DCLK2: variants seen among roughly 807,000 people sequenced by gnomAD.
DCLK2 encodes serine/threonine-protein kinase DCLK2.
DCLK2 carries 31 observed loss-of-function variants against 78.4 expected under a neutral mutation model. The observed-to-expected ratio is 0.40, with a 90% CI of 0.30 to 0.53. The LOEUF (loss-of-function observed/expected upper bound fraction) is 0.53. Among genes scored for constraint, DCLK2 ranks in the 20% least tolerant of loss-of-function variants. DCLK2 has a pLI of 0.61. For synonymous variants in DCLK2, 407 were observed against 374.9 expected (o/e 1.09, Z -0.99); for missense variants, 872 against 973.7 (o/e 0.90, Z 1.39).
intron 2 of DCLK2, among the ~76,000 whole-genome samples, chr4:150,113,544 G>C (rs76113116): frequency 6.6e-6 from 1 of 152,198 alleles, no homozygotes; most frequent in East Asian, 1.9e-4. Flanking sequence ...GCATAGAGAT[G>C]TTCATAGTAG....
intron 10 of DCLK2, among the ~76,000 whole-genome samples, 155 bp from the exon 11 acceptor site, chr4:150,239,587 C>T (rs988213101): frequency 2.0e-5 from 3 of 151,530 alleles, no homozygotes; most frequent in Non-Finnish European, 4.4e-5. Context: ...GGCAACAAAG[C>T]GAGACCGTGT....
chr4:150,100,181 G>A (rs569897056), intron 1 of DCLK2, among the ~76,000 whole-genome samples: 188 of 152,308 alleles, frequency 1.2e-3, no homozygotes, highest in African/African-American at 4.2e-3. Flanking sequence ...CCAAAGTGCT[G>A]AGATTACAGG....
chr4:150,166,905 T>C (rs1416866424), intron 2 of DCLK2, among the ~76,000 whole-genome samples: 2 of 152,204 alleles, frequency 1.3e-5, no homozygotes, highest in Non-Finnish European at 2.9e-5. Flanking sequence ...TTTTCAGAGA[T>C]CTTCCTTGTC....
At chr4:150,173,519 C>T (rs1736708179) in intron 2 of DCLK2, among the ~76,000 whole-genome samples, 1 of 152,174 alleles carries the variant, frequency 6.6e-6, no homozygotes, top group Non-Finnish European at 1.5e-5. Flanking sequence ...GCAGCTCCCT[C>T]TGGTGAAGGA....
chr4:150,237,684 C>G (rs1408247817), intron 10 of DCLK2, among the ~76,000 whole-genome samples: 2 of 152,178 alleles, frequency 1.3e-5, no homozygotes, highest in Non-Finnish European at 2.9e-5. Flanking sequence ...ATCACTCCCC[C>G]TCATTAAGTA....
intron 1 of DCLK2, among the ~76,000 whole-genome samples, chr4:150,092,163 T>C (rs141850738): frequency 1.3e-5 from 2 of 152,292 alleles, no homozygotes; most frequent in East Asian, 3.9e-4. Flanking sequence ...GACTGAATAA[T>C]ATCTCATTGT....
intron 8 of DCLK2, among the ~76,000 whole-genome samples, chr4:150,231,156 C>A (rs1742026104): frequency 6.6e-6 from 1 of 152,208 alleles, no homozygotes; most frequent in African/African-American, 2.4e-5. Context: ...ATGTCAGAAA[C>A]CTAGTTTACA....
Position 150,102,327 on chromosome 4 carries a change from G to A in DCLK2, c.422-151G>A, listed in dbSNP as rs1730945592. ...GACTATTTAAAAGAAAGGAAGGTGGGAGAATGCCAAAGGAAAAGGGTGAAC... is the reference window on the plus strand; with the variant it reads ...GACTATTTAAAAGAAAGGAAGGTGGAAGAATGCCAAAGGAAAAGGGTGAAC... On this transcript the variant is annotated intron_variant, in intron 1 of 15. Transcript: ENST00000296550. 3 of 684,082 alleles carry A rather than the reference G, an allele frequency of 4.4e-6. No individual in the cohort carries two copies. In the East Asian group the frequency reaches 8.2e-5, roughly 19 times the overall value. 42.4% of individuals were successfully genotyped at this position (684,082 alleles called of 1,614,324 possible).
intron 2 of DCLK2, among the ~76,000 whole-genome samples, chr4:150,159,021 C>G (rs1433787402): frequency 6.6e-6 from 1 of 152,030 alleles, no homozygotes; most frequent in African/African-American, 2.4e-5. Flanking sequence ...AGATGTGGAG[C>G]CAGTTTCTGA....
Position 150,255,883 on chromosome 4 carries a change from T to G in DCLK2, c.2074-137T>G, listed in dbSNP as rs573184950. ...CGAAACCATTACTCTCCTGTGAGGC[T>G]TCTGTTAGAAGCTTGGCGTTATTTC... On this transcript the variant is annotated intron_variant, in intron 15 of 15. Coordinates refer to ENST00000296550, the MANE Select transcript of DCLK2 (RefSeq NM_001040260.4). The G allele has an allele frequency of 1.5e-3, 2,127 of 1,415,000 alleles. 5 individuals are homozygous for G. The highest frequency in any genetic ancestry group is 1.8e-3 in the Non-Finnish European group (1,945 of 1,061,708). The allele number at this position is 1,415,000 out of a possible 1,614,324, so 87.7% of individuals were successfully genotyped here. A position where few individuals can be genotyped will look rare whatever the true frequency, so the allele number is the denominator to read the frequency against.
intron 2 of DCLK2, among the ~76,000 whole-genome samples, chr4:150,157,236 A>C: frequency 6.7e-6 from 1 of 150,252 alleles, no homozygotes; most frequent in East Asian, 2.0e-4. Context: ...ATTTATTACT[A>C]AAAATCTTTT....
chr4:150,239,717 G>A (rs753712391), intron 10 of DCLK2, 25 bp from the exon 11 acceptor site: 1 of 1,609,688 alleles, frequency 6.2e-7, no homozygotes, highest in Non-Finnish European at 8.5e-7. Flanking sequence ...AAAATCTTCT[G>A]ATTGTTGGCT....
At chr4:150,126,261 A>G (rs540780702) in intron 2 of DCLK2, among the ~76,000 whole-genome samples, 8 of 152,338 alleles carry the variant, frequency 5.3e-5, no homozygotes, top group East Asian at 1.9e-4. Context: ...TGCCTATTCT[A>G]TGGTAGGCAC....
intron 2 of DCLK2, among the ~76,000 whole-genome samples, chr4:150,150,135 T>G (rs2150227538): frequency 6.6e-6 from 1 of 152,188 alleles, no homozygotes; most frequent in African/African-American, 2.4e-5. Context: ...TTTAAAAAAA[T>G]AAAAAACAAT....
chr4:150,117,641 G>A (rs990657500), intron 2 of DCLK2, among the ~76,000 whole-genome samples: 1 of 152,112 alleles, frequency 6.6e-6, no homozygotes, highest in African/African-American at 2.4e-5. Flanking sequence ...CTCCATCCCC[G>A]CTGGAGTCTG....
intron 12 of DCLK2, among the ~76,000 whole-genome samples, 154 bp downstream of exon 12, chr4:150,240,630 G>A (rs1334858418): frequency 1.3e-5 from 2 of 151,134 alleles, no homozygotes; most frequent in Non-Finnish European, 2.9e-5. Context: ...GGATAGCATT[G>A]GAAGATATAC....
chr4:150,085,606 T>C (rs1368570833), intron 1 of DCLK2, among the ~76,000 whole-genome samples: 1 of 152,108 alleles, frequency 6.6e-6, no homozygotes, highest in Non-Finnish European at 1.5e-5. Context: ...TTGGGAGATG[T>C]GTTCAACCCA....
intron 11 of DCLK2, 30 bp downstream of exon 11, chr4:150,239,905 T>C: frequency 6.2e-7 from 1 of 1,609,222 alleles, no homozygotes; most frequent in South Asian, 1.1e-5. Flanking sequence ...TGGTTAGTAC[T>C]TTAACTTTGA....
chr4:150,118,678 C>G (rs1451202134), intron 2 of DCLK2, among the ~76,000 whole-genome samples: 1 of 152,128 alleles, frequency 6.6e-6, no homozygotes, highest in Non-Finnish European at 1.5e-5. Context: ...CCTGATCCCA[C>G]TCTGCTTCTT....
Sources: gnomAD v4.1 joint callset for allele counts (sites outside exome capture counted in the v4.1 genomes callset) on GRCh38, gnomAD v4.1.1 for gene constraint, MANE v1.5 for transcripts, NCBI Gene and HGNC (gene_info 2026-07-23, HGNC 2026-07-21) for gene names.